Variants in GRM8 observed in about 807,000 individuals in gnomAD.
GRM8 encodes the protein glutamate metabotropic receptor 8, also known as metabotropic glutamate receptor 8.
A neutral mutation model predicts 87.2 loss-of-function variants in GRM8; 47 were observed. The ratio of observed to expected loss-of-function variants is 0.54; its 90% CI spans 0.43 to 0.69. GRM8 has a LOEUF of 0.69. Among genes scored for constraint, GRM8 ranks in the 30% least tolerant of loss-of-function variants. The probability of loss-of-function intolerance (pLI) is 0.00; values close to 1 mark genes in which losing one functional copy is unlikely to be tolerated. For synonymous variants in GRM8, 396 were observed against 404.5 expected (o/e 0.98, Z 0.25); for missense variants, 1,019 against 1,139.2 (o/e 0.89, Z 1.52).
intron 2 of GRM8, among the ~76,000 whole-genome samples, chr7:127,143,012 T>C (rs1444285434): frequency 6.6e-6 from 1 of 152,120 alleles, no homozygotes; most frequent in Non-Finnish European, 1.5e-5. Context: ...CCAATAATCA[T>C]CCTTCCACAG....
rs550219251 is a variant in GRM8 at position 126,683,141 on chromosome 7, G to A, written c.1358-73643C>T. On this transcript the variant is annotated intron_variant, in intron 7 of 10. Coordinates refer to ENST00000339582, the MANE Select transcript of GRM8 (RefSeq NM_000845.3). ...CACAGCAGTCAGAAAAATGGTGAAG[G>A]AAAGGCAGGGAAACCTGCGCAAGTG... is the stretch of plus-strand genomic sequence containing the variant. Among the ~76,000 whole-genome samples, 8 of 152,314 alleles carry A rather than the reference G, an allele frequency of 5.3e-5. No homozygotes were observed. The South Asian group carries it at 1.2e-3, about 24-fold the overall frequency.
At chr7:126,806,216 G>A (rs1792683549) in intron 6 of GRM8, among the ~76,000 whole-genome samples, 1 of 152,228 alleles carries the variant, frequency 6.6e-6, no homozygotes, top group African/African-American at 2.4e-5. Flanking sequence ...GACTTCAGGA[G>A]TGAAGCTGCA....
At chr7:127,121,727 G>A (rs866691970) in intron 2 of GRM8, among the ~76,000 whole-genome samples, 2 of 152,136 alleles carry the variant, frequency 1.3e-5, no homozygotes, top group Admixed American at 6.5e-5. Context: ...AAAGGGGGAA[G>A]TGCCACACAC....
chr7:127,111,785 G>C (rs1057502832), intron 2 of GRM8, among the ~76,000 whole-genome samples: 7 of 152,160 alleles, frequency 4.6e-5, no homozygotes, highest in Non-Finnish European at 1.0e-4. Flanking sequence ...CCAGCAGTTT[G>C]GGAGGCTGAG....
intron 7 of GRM8, among the ~76,000 whole-genome samples, chr7:126,700,725 A>G (rs1218562891): frequency 1.3e-5 from 2 of 152,160 alleles, no homozygotes; most frequent in Non-Finnish European, 2.9e-5. Context: ...TCCATTACAT[A>G]TATTTTTAAG....
chr7:127,047,039 T>C (rs373161155), intron 3 of GRM8, among the ~76,000 whole-genome samples: 11 of 152,332 alleles, frequency 7.2e-5, no homozygotes, highest in African/African-American at 2.6e-4. Context: ...ATTTAATCCC[T>C]ACATTGTAGT....
At chr7:127,138,124 CAGAT>C (rs1320415818) in intron 2 of GRM8, among the ~76,000 whole-genome samples, 2 of 152,142 alleles carry the variant, frequency 1.3e-5, no homozygotes, top group South Asian at 2.1e-4. Flanking sequence ...ATGTTGAAAA[CAGAT>C]AGCACAAGAG....
At position 126,607,061 on chromosome 7, in the gene GRM8, T is replaced by C. The variant is rs1038824988; in HGVS notation, c.1494+2301A>G. ...AAAAGTCAGATAAAAAGCTTTCCTA[T>C]CTTAGACCTTGTCAAAACATTTCTG... On this transcript the variant is annotated intron_variant, in intron 8 of 10. Coordinates refer to ENST00000339582, the MANE Select transcript of GRM8 (RefSeq NM_000845.3). 1.3e-5 allele frequency among the ~76,000 whole-genome samples: 2 copies of C among 152,226 alleles called. 1 individual carries two copies. Among genetic ancestry groups the C allele is most frequent in the South Asian group, 4.1e-4 (2 of 4,836 alleles).
chr7:126,527,096 C>T (rs563549721), intron 9 of GRM8, among the ~76,000 whole-genome samples: 16 of 152,304 alleles, frequency 1.1e-4, no homozygotes, highest in Admixed American at 2.6e-4. Flanking sequence ...CGGTGGCTCA[C>T]GCCTGTAATC....
chr7:126,505,584 A>C (rs960390765), intron 9 of GRM8, among the ~76,000 whole-genome samples: 1 of 151,652 alleles, frequency 6.6e-6, no homozygotes. Context: ...AGTCCTAACA[A>C]GGAAAATTGA....
chr7:126,744,240 G>GT (rs1815365525), intron 7 of GRM8, among the ~76,000 whole-genome samples: 1 of 151,956 alleles, frequency 6.6e-6, no homozygotes, highest in South Asian at 2.1e-4. Context: ...TTAATGGCAT[G>GT]TTTTTTCTTG....
At position 126,960,487 on chromosome 7, in the gene GRM8, G is replaced by T. The variant is rs146445263; in HGVS notation, c.728-55804C>A. On this transcript the variant is annotated intron_variant, in intron 3 of 10. Coordinates refer to ENST00000339582, the MANE Select transcript of GRM8 (RefSeq NM_000845.3). Reference sequence around the variant, plus strand: ...CAATAAACTAACATTATGGCCCAAAGACTATACTATTCTTAGAATGTTGGT... The same window carrying T: ...CAATAAACTAACATTATGGCCCAAATACTATACTATTCTTAGAATGTTGGT... 4.0e-3 allele frequency among the ~76,000 whole-genome samples: 610 copies of T among 152,260 alleles called. 5 individuals carry two copies. The highest frequency in any genetic ancestry group is 0.014 in the African/African-American group (581 of 41,554).
chr7:127,248,959 ATCGCTATTCT>A (rs1798721672), intron 1 of GRM8, among the ~76,000 whole-genome samples: 1 of 152,214 alleles, frequency 6.6e-6, no homozygotes, highest in Admixed American at 6.5e-5. Flanking sequence ...GAGCATCTAA[ATCGCTATTCT>A]GAAGAAAGTG....
At chr7:126,935,072 T>A (rs1442567582) in intron 3 of GRM8, among the ~76,000 whole-genome samples, 1 of 152,184 alleles carries the variant, frequency 6.6e-6, no homozygotes, top group Non-Finnish European at 1.5e-5. Flanking sequence ...TAGGGTAACA[T>A]CATCTATGGA....
intron 7 of GRM8, among the ~76,000 whole-genome samples, chr7:126,617,247 A>G (rs1249710704): frequency 6.6e-6 from 1 of 152,254 alleles, no homozygotes. Context: ...AACGTAATCC[A>G]GCATATAAAC....
chr7:126,800,777 C>T (rs549922221), intron 6 of GRM8, among the ~76,000 whole-genome samples: 4 of 151,950 alleles, frequency 2.6e-5, no homozygotes, highest in Admixed American at 2.0e-4. Flanking sequence ...TATTTCCCTG[C>T]CTTGAGAAAG....
chr7:126,533,672 C>T lies in GRM8; in HGVS notation c.1710G>A (p.Gln570=), dbSNP rs144772174. 30 of 1,614,056 alleles carry T rather than the reference C, an allele frequency of 1.9e-5. No individual in the cohort carries two copies. Among genetic ancestry groups the T allele is most frequent in the Non-Finnish European group, 2.5e-5 (29 of 1,179,978 alleles). Residue 570 remains glutamine, a synonymous_variant, in exon 9 of 11, where the codon CAG becomes CAA. Coordinates refer to ENST00000339582, the MANE Select transcript of GRM8 (RefSeq NM_000845.3). ...QRPNMNRTGC[Q]LIPIIKLEWH... The stretch of plus-strand genomic sequence containing the variant: ...ACTCCAATTTGATGATGGGGATAAG[C>T]TGGCAGCCTGTGCGGTTCATGTTGG...
chr7:126,768,772 A>G lies in GRM8; in HGVS notation c.1357+1093T>C, dbSNP rs148022967. ...CAACATTCCTCTTTTGATCAATTTC[A>G]TAATTGCATAAAAATTATTTTCAAA... is the stretch of plus-strand genomic sequence containing the variant. On this transcript the variant is annotated intron_variant, in intron 7 of 10. Coordinates refer to ENST00000339582, the MANE Select transcript of GRM8 (RefSeq NM_000845.3). Among the ~76,000 whole-genome samples, 989 of 152,174 alleles carry G rather than the reference A, an allele frequency of 6.5e-3. 11 individuals carry two copies. The highest frequency in any genetic ancestry group is 0.022 in the African/African-American group (918 of 41,536).
chr7:126,645,021 G>A (rs552028040), intron 7 of GRM8, among the ~76,000 whole-genome samples: 17 of 152,282 alleles, frequency 1.1e-4, no homozygotes, highest in African/African-American at 3.4e-4. Flanking sequence ...GGTCATTCCC[G>A]GGCATAGGCC....
Sources: allele counts gnomAD v4.1 joint callset (sites outside exome capture counted in the v4.1 genomes callset), GRCh38; gene constraint gnomAD v4.1.1; transcripts MANE v1.5; gene names NCBI Gene and HGNC (gene_info 2026-07-23, HGNC 2026-07-21).